Variants in HLCS observed in about 807,000 individuals in gnomAD.
HLCS encodes the protein holocarboxylase synthetase.
A neutral mutation model predicts 75.0 loss-of-function variants in HLCS; 53 were observed. The ratio of observed to expected loss-of-function variants is 0.71; its 90% CI spans 0.57 to 0.89. HLCS has a LOEUF of 0.89. HLCS is among the 40% of genes least tolerant of loss of function. The pLI, the probability that HLCS is intolerant of heterozygous loss-of-function variation, is 0.00. For synonymous variants in HLCS, 431 were observed against 428.6 expected (o/e 1.01, Z -0.07); for missense variants, 966 against 1,074.0 (o/e 0.90, Z 1.41).
At chr21:36,803,170 G>A (rs1273034677) in intron 6 of HLCS, among the ~76,000 whole-genome samples, 2 of 152,338 alleles carry the variant, frequency 1.3e-5, no homozygotes, top group East Asian at 3.9e-4. Context: ...TCACTGAGCT[G>A]GGTGTGAAGT....
chr21:36,797,170 C>T (rs1254857659), intron 6 of HLCS, among the ~76,000 whole-genome samples: 1 of 152,108 alleles, frequency 6.6e-6, no homozygotes, highest in Non-Finnish European at 1.5e-5. Context: ...CCCAGCCTAT[C>T]ACGATCTCTC....
chr21:36,758,136 C>CA (rs1431765582), intron 9 of HLCS, among the ~76,000 whole-genome samples: 1 of 152,126 alleles, frequency 6.6e-6, no homozygotes, highest in Non-Finnish European at 1.5e-5. Context: ...GACGGGGTCT[C>CA]ACTCCAGTTG....
chr21:36,944,041 G>T (rs2835540), intron 2 of HLCS: 90,562 of 151,942 alleles, frequency 0.6, 27,205 homozygotes, highest in East Asian at 0.68. Flanking sequence ...GAACATATAC[G>T]GCTTCTAGAC....
chr21:36,836,761 A>G (rs2062426983), intron 6 of HLCS, among the ~76,000 whole-genome samples: 2 of 152,110 alleles, frequency 1.3e-5, no homozygotes, highest in Non-Finnish European at 2.9e-5. Context: ...ACACATGAAA[A>G]AATGCTCACC....
At chr21:36,945,391 G>A (rs956302640) in intron 2 of HLCS, among the ~76,000 whole-genome samples, 5 of 152,030 alleles carry the variant, frequency 3.3e-5, no homozygotes, top group Non-Finnish European at 7.4e-5. Context: ...TAGCCAAAAG[G>A]TAGAAACAAC....
chr21:36,920,680 T>G (rs1298803276), intron 5 of HLCS, among the ~76,000 whole-genome samples: 1 of 152,070 alleles, frequency 6.6e-6, no homozygotes, highest in Non-Finnish European at 1.5e-5. Context: ...TAAAAAAAAT[T>G]TTTAAAGCCG....
chr21:36,833,293 T>A (rs1397764191), intron 6 of HLCS, among the ~76,000 whole-genome samples: 1 of 150,548 alleles, frequency 6.6e-6, no homozygotes, highest in Non-Finnish European at 1.5e-5. Context: ...CCTCCCAAAG[T>A]GCTAGGATTG....
intron 5 of HLCS, among the ~76,000 whole-genome samples, chr21:36,923,415 G>C (rs145606299): frequency 3.5e-4 from 54 of 152,282 alleles, no homozygotes; most frequent in Admixed American, 9.8e-4. Flanking sequence ...AGAAAACCAC[G>C]CTTCTTAGAC....
chr21:36,925,381 C>T (rs1216528341), intron 5 of HLCS, among the ~76,000 whole-genome samples: 1 of 152,210 alleles, frequency 6.6e-6, no homozygotes, highest in Non-Finnish European at 1.5e-5. Flanking sequence ...TGAACACCCA[C>T]AAGGTTCCCA....
intron 2 of HLCS, among the ~76,000 whole-genome samples, chr21:36,954,166 C>T (rs1448201970): frequency 6.6e-6 from 1 of 151,942 alleles, no homozygotes; most frequent in Non-Finnish European, 1.5e-5. Context: ...ATTAGCCGGG[C>T]ATGGTGGCTC....
rs1328487230 is a variant in HLCS at position 36,750,178 on chromosome 21, C to T, written c.*4068G>A. ...TTTCTTGACTTCTGTGAGGCTCCGG[C>T]AGGGGAAGAGGAAGCATTTTAATAC... On this transcript the variant is annotated 3_prime_UTR_variant, in exon 11 of 11. Transcript: ENST00000674895. 1.3e-5 allele frequency among the ~76,000 whole-genome samples: 2 copies of T among 152,022 alleles called. No homozygotes were observed. Among genetic ancestry groups the T allele is most frequent in the Non-Finnish European group, 2.9e-5 (2 of 68,004 alleles).
chr21:36,947,691 CA>C, intron 2 of HLCS: 1 of 985,388 alleles, frequency 1.0e-6, no homozygotes, highest in Non-Finnish European at 1.2e-6. Flanking sequence ...TGGCAGCAGG[CA>C]AGGCATATCT....
At chr21:36,983,259 G>A (rs1322813574) in intron 1 of HLCS, among the ~76,000 whole-genome samples, 1 of 151,750 alleles carries the variant, frequency 6.6e-6, no homozygotes, top group Non-Finnish European at 1.5e-5. Context: ...CACCCAAGCT[G>A]GAGTGCAGAA....
intron 6 of HLCS, among the ~76,000 whole-genome samples, chr21:36,849,563 A>T (rs1452735027): frequency 1.3e-5 from 2 of 152,202 alleles, no homozygotes; most frequent in Non-Finnish European, 2.9e-5. Flanking sequence ...CCAGTGTGGC[A>T]AAGATGTCCA....
intron 5 of HLCS, among the ~76,000 whole-genome samples, chr21:36,900,380 G>A (rs929362520): frequency 2.6e-5 from 4 of 152,146 alleles, no homozygotes; most frequent in Admixed American, 6.5e-5. Context: ...AGAGGCTCCC[G>A]GAGCAGGGAA....
intron 6 of HLCS, among the ~76,000 whole-genome samples, chr21:36,861,570 G>T (rs918197649): frequency 1.3e-5 from 2 of 152,018 alleles, no homozygotes; most frequent in African/African-American, 4.8e-5. Flanking sequence ...GTAGGCCACA[G>T]GGCCCATTGT....
rs376825313 is a variant in HLCS, at chr21:36,748,873, A to G, written c.*5373T>C. The G allele has an allele frequency of 1.3e-5, 2 of 152,658 alleles. No homozygotes were observed. The highest frequency in any genetic ancestry group is 4.8e-5 in the African/African-American group (2 of 41,464). The allele number at this position is 152,658 out of a possible 1,614,324, so 9.5% of individuals were successfully genotyped here. A position where few individuals can be genotyped will look rare whatever the true frequency, so the allele number is the denominator to read the frequency against. ...ATATGTAGCCAGACAGTTTATGAGA[A>G]TGACCCTGTCAAGCTTCATTATTAC... On this transcript the variant is annotated 3_prime_UTR_variant, in exon 11 of 11. Transcript: ENST00000674895.
At chr21:36,894,755 A>C (rs2064941058) in intron 6 of HLCS, among the ~76,000 whole-genome samples, 3 of 152,210 alleles carry the variant, frequency 2.0e-5, no homozygotes, top group African/African-American at 7.2e-5. Flanking sequence ...AAAAACTCTT[A>C]ACCCTATGGG....
chr21:36,876,504 C>T (rs2063985468), intron 6 of HLCS, among the ~76,000 whole-genome samples: 1 of 152,186 alleles, frequency 6.6e-6, no homozygotes. Context: ...TGATTTCTTG[C>T]TTGACCAATG....
Sources: allele counts gnomAD v4.1 joint callset (sites outside exome capture counted in the v4.1 genomes callset), GRCh38; gene constraint gnomAD v4.1.1; transcripts MANE v1.5; gene names NCBI Gene and HGNC (gene_info 2026-07-23, HGNC 2026-07-21).